MCF2L2: variants seen among roughly 807,000 people sequenced by gnomAD.
The protein encoded by MCF2L2 is MCF.2 cell line derived transforming sequence-like 2.
A neutral mutation model predicts 150.2 loss-of-function variants in MCF2L2; 102 were observed. The ratio of observed to expected loss-of-function variants is 0.68; its 90% confidence interval spans 0.58 to 0.80. The LOEUF (loss-of-function observed/expected upper bound fraction) is 0.80. MCF2L2 is among the 30% of genes least tolerant of loss of function. The probability of loss-of-function intolerance (pLI) is 0.00; values close to 1 mark genes in which losing one functional copy is unlikely to be tolerated. For missense variants in MCF2L2, 1,256 were observed against 1,372.8 expected (o/e 0.91, Z 1.34); for synonymous variants, 465 against 491.3 (o/e 0.95, Z 0.71).
intron 15 of MCF2L2, chr3:183,269,708 C>T: frequency 1.7e-6 from 2 of 1,152,760 alleles, no homozygotes; most frequent in Non-Finnish European, 1.2e-6. Context: ...TTAAGATGGA[C>T]ACCTACTCTA....
chr3:183,189,207 T>C (rs1721795778), intron 27 of MCF2L2, among the ~76,000 whole-genome samples: 1 of 152,204 alleles, frequency 6.6e-6, no homozygotes. Flanking sequence ...GCTTCTCCAT[T>C]TCCGAGCCCA....
intron 25 of MCF2L2, among the ~76,000 whole-genome samples, chr3:183,203,543 A>G (rs1722370723): frequency 6.6e-6 from 1 of 152,192 alleles, no homozygotes; most frequent in Admixed American, 6.5e-5. Context: ...CAGTCTGAGG[A>G]AGAGAAAGAA....
chr3:183,413,657 C>T (rs912867221), intron 1 of MCF2L2, among the ~76,000 whole-genome samples: 3 of 152,210 alleles, frequency 2.0e-5, no homozygotes, highest in Non-Finnish European at 2.9e-5. Flanking sequence ...CAGTTCCTCG[C>T]CCTGTAAAGC....
intron 14 of MCF2L2, among the ~76,000 whole-genome samples, chr3:183,282,986 T>C (rs900651651): frequency 6.6e-6 from 1 of 152,168 alleles, no homozygotes; most frequent in East Asian, 1.9e-4. Context: ...TCATAAGCCT[T>C]TACTTCTTAT....
At position 183,317,017 on chromosome 3, in the gene MCF2L2, T is replaced by C. The variant is rs375645753; in HGVS notation, c.753+1051A>G. On this transcript the variant is annotated intron_variant, in intron 7 of 29. Coordinates refer to ENST00000328913, the MANE Select transcript of MCF2L2 (RefSeq NM_015078.4). ...CAACTACGCCCGGCCATTGTTTTTT[T>C]GAATAACAACCTCCTTAAAGACTGA... Among the ~76,000 whole-genome samples the C allele has an allele frequency of 4.1e-4, 62 of 152,326 alleles. No homozygotes were observed. The East Asian group carries it at 6.0e-3, about 15-fold the overall frequency.
At chr3:183,320,655 C>T (rs1035616355) in intron 6 of MCF2L2, among the ~76,000 whole-genome samples, 1 of 152,092 alleles carries the variant, frequency 6.6e-6, no homozygotes, top group South Asian at 2.1e-4. Context: ...CTATCCAGGC[C>T]CAGACCACTA....
intron 25 of MCF2L2, among the ~76,000 whole-genome samples, chr3:183,199,163 C>T (rs956303909): frequency 6.6e-6 from 1 of 152,172 alleles, no homozygotes; most frequent in African/African-American, 2.4e-5. Context: ...GCACACCCAG[C>T]TTTGCACGTT....
At chr3:183,192,778 A>G (rs993227477) in intron 27 of MCF2L2, 9 of 476,556 alleles carry the variant, frequency 1.9e-5, no homozygotes, top group Admixed American at 1.8e-4. Flanking sequence ...GTACTTCTCA[A>G]TGTGAGACAT....
intron 15 of MCF2L2, among the ~76,000 whole-genome samples, chr3:183,268,607 CAG>C (rs1281967327): frequency 1.3e-5 from 2 of 152,206 alleles, no homozygotes; most frequent in East Asian, 3.9e-4. Context: ...GAGAAGATAA[CAG>C]AATGGGTGAG....
intron 27 of MCF2L2, among the ~76,000 whole-genome samples, chr3:183,191,707 A>AT (rs1272781313): frequency 6.6e-6 from 1 of 151,826 alleles, no homozygotes; most frequent in African/African-American, 2.4e-5. Flanking sequence ...TCGGTGTGTG[A>AT]TTTTTTTTCT....
At chr3:183,381,304 A>G (rs1713511300) in intron 2 of MCF2L2, among the ~76,000 whole-genome samples, 1 of 152,174 alleles carries the variant, frequency 6.6e-6, no homozygotes, top group South Asian at 2.1e-4. Flanking sequence ...ATAGAAGAGG[A>G]GGACTCAGAG....
intron 6 of MCF2L2, 108 bp downstream of exon 6, chr3:183,323,127 G>A: frequency 1.4e-6 from 1 of 707,792 alleles, no homozygotes; most frequent in South Asian, 2.1e-5. Flanking sequence ...CCACCCCAAG[G>A]TCAGGCAGTC....
At chr3:183,367,681 A>G (rs555024522) in intron 3 of MCF2L2, among the ~76,000 whole-genome samples, 4 of 152,368 alleles carry the variant, frequency 2.6e-5, no homozygotes, top group Admixed American at 2.6e-4. Flanking sequence ...AACACGTGGT[A>G]GAAAATCAAC....
chr3:183,288,617 G>C (rs1029784504), intron 14 of MCF2L2, among the ~76,000 whole-genome samples: 15 of 151,984 alleles, frequency 9.9e-5, no homozygotes, highest in African/African-American at 3.6e-4. Context: ...GAGTAGCTGG[G>C]ATTACAGGCA....
intron 3 of MCF2L2, among the ~76,000 whole-genome samples, chr3:183,364,713 G>C (rs143500481): frequency 3.9e-5 from 6 of 152,152 alleles, no homozygotes; most frequent in Non-Finnish European, 7.4e-5. Flanking sequence ...AATGGCAAAA[G>C]GAACTGAAGC....
chr3:183,275,438 C>G (rs1727107291), intron 15 of MCF2L2, among the ~76,000 whole-genome samples: 1 of 152,208 alleles, frequency 6.6e-6, no homozygotes, highest in African/African-American at 2.4e-5. Context: ...AGAACAAAAA[C>G]AGTAGTCTTA....
At position 183,223,279 on chromosome 3, in the gene MCF2L2, G is replaced by A. The variant is rs769798281; in HGVS notation, c.2301+67C>T. 4.8e-5 allele frequency: 57 copies of A among 1,192,960 alleles called. 1 individual carries two copies. Among genetic ancestry groups the A allele is most frequent in the Middle Eastern group, 3.8e-4 (2 of 5,200 alleles). The allele number at this position is 1,192,960 out of a possible 1,614,324, so 73.9% of individuals were successfully genotyped here. A position where few individuals can be genotyped will look rare whatever the true frequency, so the allele number is the denominator to read the frequency against. On this transcript the variant is annotated intron_variant, in intron 20 of 29. Transcript: ENST00000328913. The stretch of plus-strand genomic sequence containing the variant: ...CAAGGCACAGCTCTACATGTGTAAC[G>A]ACATGGGCACCACAGTGCAGGCGTC...
chr3:183,240,047 C>T (rs746236615), intron 15 of MCF2L2, among the ~76,000 whole-genome samples: 1 of 152,170 alleles, frequency 6.6e-6, no homozygotes, highest in Non-Finnish European at 1.5e-5. Context: ...TCTCTGTCAC[C>T]CAGGCTCCTT....
chr3:183,398,005 G>C (rs538911161), intron 1 of MCF2L2, among the ~76,000 whole-genome samples: 1 of 152,316 alleles, frequency 6.6e-6, no homozygotes, highest in East Asian at 1.9e-4. Context: ...AAGTGAGATA[G>C]AGAACAGAAT....
Sources: allele counts gnomAD v4.1 joint callset (sites outside exome capture counted in the v4.1 genomes callset), GRCh38; gene constraint gnomAD v4.1.1; transcripts MANE v1.5; gene names NCBI Gene and HGNC (gene_info 2026-07-23, HGNC 2026-07-21).